Variants in ITPKB observed in about 807,000 individuals in gnomAD.
ITPKB encodes IP3 3-kinase B.
In ITPKB, 13 loss-of-function variants were observed where a neutral mutation model predicts 69.4. The ratio of observed to expected loss-of-function variants is 0.19; its 90% CI spans 0.12 to 0.30. ITPKB has a LOEUF of 0.30. Ranked by LOEUF, ITPKB falls within the 10% of genes least tolerant of loss-of-function variation. ITPKB has a pLI of 1.00. For missense variants in ITPKB, 1,240 were observed against 1,250.5 expected (o/e 0.99, Z 0.13); for synonymous variants, 584 against 513.7 (o/e 1.14, Z -1.85).
intron 2 of ITPKB, among the ~76,000 whole-genome samples, chr1:226,649,864 CAT>C (rs1209507087): frequency 6.8e-6 from 1 of 146,492 alleles, no homozygotes; most frequent in Admixed American, 6.7e-5. Flanking sequence ...AAAAAAAAAA[CAT>C]ATTTTTAGAA....
chr1:226,650,493 C>T (rs1669166361), intron 2 of ITPKB, among the ~76,000 whole-genome samples: 1 of 152,226 alleles, frequency 6.6e-6, no homozygotes, highest in Admixed American at 6.5e-5. Flanking sequence ...TATCTAAGCA[C>T]CCAGAAGGCT....
At chr1:226,657,667 G>A (rs1558076114) in intron 2 of ITPKB, among the ~76,000 whole-genome samples, 1 of 152,192 alleles carries the variant, frequency 6.6e-6, no homozygotes, top group Admixed American at 6.5e-5. Flanking sequence ...AATAGCTCAG[G>A]TAACTCTCAC....
chr1:226,674,238 T>C (rs1274949504), intron 2 of ITPKB, among the ~76,000 whole-genome samples: 2 of 152,174 alleles, frequency 1.3e-5, no homozygotes, highest in African/African-American at 4.8e-5. Flanking sequence ...GTCTCACTGT[T>C]GCCCAGGCTG....
In ITPKB at chr1:226,641,239, A is replaced by G. The variant is rs1668954907; in HGVS notation, c.2451+682T>C. Among the ~76,000 whole-genome samples the G allele has an allele frequency of 6.6e-6, 1 of 152,254 alleles. No homozygotes were observed. Among genetic ancestry groups the G allele is most frequent in the Non-Finnish European group, 1.5e-5 (1 of 68,048 alleles). Reference sequence around the variant, plus strand: ...AATCAACATTTGAACATAATCATGTATAGGAAGCTTCTGTGTGCCCATAGC... The same window carrying G: ...AATCAACATTTGAACATAATCATGTGTAGGAAGCTTCTGTGTGCCCATAGC... On this transcript the variant is annotated intron_variant, in intron 5 of 7. Coordinates refer to ENST00000429204, the MANE Select transcript of ITPKB (RefSeq NM_002221.4). The surrounding 1 kb of genome is among the most constrained non-coding windows in gnomAD (Gnocchi z 4.6).
chr1:226,737,169 A>ACGCTACTGC lies in ITPKB; in HGVS notation c.281_289dup (p.Gly94_Ser96dup). Reference sequence around the variant, plus strand: ...GCGACCAGCCCAACTTGGGCTGCTCACGCTACTGCCGCTGCTGCCGCTGCC... The same window carrying ACGCTACTGC: ...GCGACCAGCCCAACTTGGGCTGCTCACGCTACTGCCGCTACTGCCGCTGCTGCCGCTGCC... On this transcript the variant is annotated inframe_insertion, in exon 2 of 8. Coordinates refer to ENST00000429204, the MANE Select transcript of ITPKB (RefSeq NM_002221.4). The ACGCTACTGC allele has an allele frequency of 1.3e-6, 2 of 1,582,520 alleles. No homozygotes were observed. The highest frequency in any genetic ancestry group is 1.7e-6 in the Non-Finnish European group (2 of 1,172,292).
chr1:226,699,973 G>T (rs1385864055), intron 2 of ITPKB, among the ~76,000 whole-genome samples: 5 of 152,178 alleles, frequency 3.3e-5, no homozygotes, highest in Non-Finnish European at 5.9e-5. Flanking sequence ...GGGCAGGAAG[G>T]ATCCAGCAAG....
intron 2 of ITPKB, among the ~76,000 whole-genome samples, chr1:226,734,416 A>G (rs1195735998): frequency 1.3e-5 from 2 of 152,392 alleles, no homozygotes; most frequent in South Asian, 2.1e-4. Flanking sequence ...TAAAGCTCCC[A>G]GTCGTGGTGG....
At chr1:226,700,524 T>TCAAGTTGAC in intron 2 of ITPKB, among the ~76,000 whole-genome samples, 1 of 115,062 alleles carries the variant, frequency 8.7e-6, no homozygotes, top group Non-Finnish European at 1.8e-5. Flanking sequence ...TTAAATCCAA[T>TCAAGTTGAC]CAAGTTGACA....
intron 3 of ITPKB, among the ~76,000 whole-genome samples, chr1:226,647,895 T>C (rs1669095967): frequency 6.6e-6 from 1 of 152,242 alleles, no homozygotes; most frequent in Non-Finnish European, 1.5e-5. Flanking sequence ...TCACACAGGC[T>C]GTCCATCCAT....
chr1:226,692,912 A>G (rs1169257538), intron 2 of ITPKB, among the ~76,000 whole-genome samples: 1 of 152,246 alleles, frequency 6.6e-6, no homozygotes, highest in Non-Finnish European at 1.5e-5. Context: ...GCCAACAATC[A>G]GCAGACAACA....
At position 226,735,734 on chromosome 1, in the gene ITPKB, G is replaced by A; in HGVS notation, c.1725C>T (p.Gly575=). The A allele has an allele frequency of 1.3e-6, 2 of 1,588,320 alleles. No homozygotes were observed. Among genetic ancestry groups the A allele is most frequent in the Non-Finnish European group, 8.6e-7 (1 of 1,163,320 alleles). Residue 575 remains glycine (G), a synonymous_variant, in exon 2 of 8, where the codon GGC becomes GGT. Transcript: ENST00000429204. ...CCTCCAAGGCCCCATCCTCCTGGGT[G>A]CCCATGTCTGTAATGATGACAGCAG... ...NIPAVIITDM[G]TQEDGALEET... is the part of the protein sequence containing the mutation.
chr1:226,642,203 T>A lies in ITPKB; in HGVS notation c.2247-78A>T. On this transcript the variant is annotated intron_variant, in intron 4 of 7. Transcript: ENST00000429204. The surrounding 1 kb of genome is among the most constrained non-coding windows in gnomAD (Gnocchi z 6.4). The stretch of plus-strand genomic sequence containing the variant: ...AGCAGCTCCTTTCCTGCCTGGTGGA[T>A]GAAGGTTTGGGGCGTGTGTTGCCCA... 1 of 1,254,228 alleles carries A rather than the reference T, an allele frequency of 8.0e-7. No homozygotes were observed. The highest frequency in any genetic ancestry group is 1.3e-5 in the South Asian group (1 of 74,894). The allele number at this position is 1,254,228 out of a possible 1,614,324, so 77.7% of individuals were successfully genotyped here. A position where few individuals can be genotyped will look rare whatever the true frequency, so the allele number is the denominator to read the frequency against.
Position 226,683,911 on chromosome 1 carries a change from C to A in ITPKB, c.1933-35140G>T, listed in dbSNP as rs1466779468. On this transcript the variant is annotated intron_variant, in intron 2 of 7. Coordinates refer to ENST00000429204, the MANE Select transcript of ITPKB (RefSeq NM_002221.4). ...AAGGTACCACAAGGTACCTTCATTACAAAGAGATTTTGTTCAATTGCTGGG... is the reference window on the plus strand; with the variant it reads ...AAGGTACCACAAGGTACCTTCATTAAAAAGAGATTTTGTTCAATTGCTGGG... Among the ~76,000 whole-genome samples the A allele has an allele frequency of 2.0e-5, 3 of 152,130 alleles. No homozygotes were observed. The East Asian group carries it at 5.8e-4, about 29-fold the overall frequency.
chr1:226,696,808 G>A (rs1212435013), intron 2 of ITPKB, among the ~76,000 whole-genome samples: 1 of 152,190 alleles, frequency 6.6e-6, no homozygotes, highest in African/African-American at 2.4e-5. Flanking sequence ...ACACTGCAGA[G>A]GTGATGTAGC....
At chr1:226,664,094 A>C (rs573820926) in intron 2 of ITPKB, among the ~76,000 whole-genome samples, 29 of 152,346 alleles carry the variant, frequency 1.9e-4, no homozygotes, top group African/African-American at 6.7e-4. Flanking sequence ...TCTTGCCTGC[A>C]CAGCTTACAG....
intron 2 of ITPKB, among the ~76,000 whole-genome samples, chr1:226,650,683 C>A (rs148453875): frequency 1.5e-4 from 23 of 152,344 alleles, no homozygotes; most frequent in Middle Eastern, 3.4e-3. Context: ...CAGCAGAGCT[C>A]AGAGAGGACA....
At chr1:226,654,873 A>C (rs995447580) in intron 2 of ITPKB, among the ~76,000 whole-genome samples, 1 of 152,162 alleles carries the variant, frequency 6.6e-6, no homozygotes, top group African/African-American at 2.4e-5. Flanking sequence ...GGCAGGCAAA[A>C]AAGGACTGCT....
At chr1:226,726,043 C>T (rs1234406812) in intron 2 of ITPKB, among the ~76,000 whole-genome samples, 1 of 152,204 alleles carries the variant, frequency 6.6e-6, no homozygotes, top group Non-Finnish European at 1.5e-5. Context: ...TAATTAAAAA[C>T]TCATTTAGGC....
rs539639164 is a variant in ITPKB, at chr1:226,737,308, C to T, written c.151G>A (p.Gly51Arg). ...GGGAAGAGGAAAGAGGCGCCTCTCC[C>T]GGGGCTGAAAACGCTGCCGGGGCTC... ...VLSPGSVFSP[G>R]RGASFLFPPA... is the part of the protein sequence containing the mutation. Residue 51 changes from glycine (G) to arginine (R), a missense_variant, in exon 2 of 8, where the codon GGG becomes AGG. Physicochemically the swap from Gly to Arg is moderately radical, Grantham distance 125. Coordinates refer to ENST00000429204, the MANE Select transcript of ITPKB (RefSeq NM_002221.4). The T allele has an allele frequency of 9.8e-5, 155 of 1,580,192 alleles. 3 individuals carry two copies. In the South Asian group the frequency reaches 1.5e-3, roughly 16 times the overall value.
Sources: gnomAD v4.1 joint callset for allele counts (sites outside exome capture counted in the v4.1 genomes callset) on GRCh38, gnomAD v4.1.1 for gene constraint, Gnocchi (gnomAD v3.1) non-coding constraint, MANE v1.5 for transcripts, NCBI Gene and HGNC (gene_info 2026-07-23, HGNC 2026-07-21) for gene names.